Variants in C12orf56 observed in about 807,000 individuals in gnomAD.
C12orf56 encodes chromosome 12 open reading frame 56, also known as uncharacterized protein C12orf56.
A neutral mutation model predicts 69.9 loss-of-function variants in C12orf56; 71 were observed. The observed-to-expected ratio is 1.02, with a 90% CI of 0.84 to 1.24. The LOEUF is 1.24. Ranked by LOEUF, C12orf56 falls within the 50% of genes most tolerant of loss-of-function variation. The pLI, the probability that C12orf56 is intolerant of heterozygous loss-of-function variation, is 0.00. For synonymous variants in C12orf56, 276 were observed against 274.1 expected (o/e 1.01, Z -0.07); for missense variants, 732 against 738.5 (o/e 0.99, Z 0.10).
At chr12:64,367,976 T>A (rs1330527647) in intron 1 of C12orf56, among the ~76,000 whole-genome samples, 1 of 150,978 alleles carries the variant, frequency 6.6e-6, no homozygotes, top group East Asian at 1.9e-4. Context: ...CCCAGCTAAT[T>A]TTTGTATTTT....
At chr12:64,341,727 C>T (rs1175949036) in intron 2 of C12orf56, among the ~76,000 whole-genome samples, 3 of 152,160 alleles carry the variant, frequency 2.0e-5, no homozygotes, top group African/African-American at 7.2e-5. Flanking sequence ...AACCTCTGCC[C>T]TTTCCATGAT....
At chr12:64,388,534 T>C (rs2039824064) in intron 1 of C12orf56, among the ~76,000 whole-genome samples, 1 of 152,158 alleles carries the variant, frequency 6.6e-6, no homozygotes, top group Non-Finnish European at 1.5e-5. Context: ...TGAGCCACCT[T>C]ACCCAGTCTA....
intron 5 of C12orf56, among the ~76,000 whole-genome samples, chr12:64,308,959 G>GAAAGAAAGAAA (rs2038567814): frequency 9.1e-6 from 1 of 109,938 alleles, no homozygotes; most frequent in Admixed American, 1.0e-4. Context: ...AAGAAAGAAA[G>GAAAGAAAGAAA]AAAGAAAGAA....
chr12:64,350,089 C>T (rs1419383885), intron 2 of C12orf56, among the ~76,000 whole-genome samples: 2 of 114,150 alleles, frequency 1.8e-5, no homozygotes, highest in Non-Finnish European at 1.8e-5. Flanking sequence ...AAGACTCAGT[C>T]TCAGAAAAAA....
In C12orf56 at chr12:64,349,492, C is replaced by T. The variant is rs564778575; in HGVS notation, c.415+3402G>A. Among the ~76,000 whole-genome samples the T allele has an allele frequency of 3.3e-5, 5 of 152,302 alleles. No individual in the cohort carries two copies. In the South Asian group the frequency reaches 1.0e-3, roughly 32 times the overall value. ...CTAGAAATAGAACTACCATTAGATC[C>T]AGCAATCCCACTGCTGGACATCTAC... On this transcript the variant is annotated intron_variant, in intron 2 of 12. Transcript: ENST00000543942.
chr12:64,337,555 C>T (rs1397509651), intron 2 of C12orf56, among the ~76,000 whole-genome samples: 5 of 152,170 alleles, frequency 3.3e-5, no homozygotes, highest in African/African-American at 1.2e-4. Flanking sequence ...CTACACCTAT[C>T]TACCTTAAAA....
chr12:64,312,870 T>C (rs1387411449), intron 4 of C12orf56, 118 bp from the exon 5 acceptor site: 4 of 677,062 alleles, frequency 5.9e-6, no homozygotes. Flanking sequence ...CACGATTTGT[T>C]TATAAAACTC....
chr12:64,363,516 C>T (rs2039424824), intron 1 of C12orf56, among the ~76,000 whole-genome samples: 1 of 152,088 alleles, frequency 6.6e-6, no homozygotes, highest in Admixed American at 6.6e-5. Context: ...TTGGGGCACA[C>T]GCTAGGGGCC....
At chr12:64,320,132 G>C (rs1898221) in intron 3 of C12orf56, among the ~76,000 whole-genome samples, 150,147 of 152,350 alleles carry the variant, frequency 0.99, 74,024 homozygotes, top group Middle Eastern at 1. Flanking sequence ...TCGTCCTAAT[G>C]GAGCTGAACA....
chr12:64,340,589 T>C (rs1047262348), intron 2 of C12orf56, among the ~76,000 whole-genome samples: 2 of 152,192 alleles, frequency 1.3e-5, no homozygotes, highest in African/African-American at 2.4e-5. Flanking sequence ...AATATTTAAA[T>C]GCTGATGTAA....
chr12:64,325,394 A>C (rs2038825948), intron 3 of C12orf56, among the ~76,000 whole-genome samples: 1 of 152,078 alleles, frequency 6.6e-6, no homozygotes, highest in African/African-American at 2.4e-5. Context: ...GAAGAAGAAA[A>C]GAAGCAGCAG....
chr12:64,342,517 A>C (rs2039087662), intron 2 of C12orf56, among the ~76,000 whole-genome samples: 1 of 152,226 alleles, frequency 6.6e-6, no homozygotes, highest in Admixed American at 6.5e-5. Flanking sequence ...GAGAGAAGGC[A>C]GGGTGGCAGA....
intron 3 of C12orf56, 94 bp downstream of exon 3, chr12:64,330,866 C>A (rs757303582): frequency 7.9e-6 from 8 of 1,007,386 alleles, no homozygotes; most frequent in African/African-American, 6.6e-5. Context: ...CAGTCCAAAG[C>A]CATTAGTAGA....
chr12:64,330,854 C>A, intron 3 of C12orf56, 106 bp downstream of exon 3: 1 of 859,146 alleles, frequency 1.2e-6, no homozygotes, highest in Non-Finnish European at 1.8e-6. Context: ...ATTAATAGAA[C>A]TCAGTCCAAA....
chr12:64,282,293 A>T (rs1188021679), intron 8 of C12orf56, among the ~76,000 whole-genome samples: 3 of 152,250 alleles, frequency 2.0e-5, no homozygotes, highest in Non-Finnish European at 4.4e-5. Flanking sequence ...AATCCAGCCT[A>T]CAGCCTGTTT....
chr12:64,359,109 T>A (rs555252086), intron 1 of C12orf56, among the ~76,000 whole-genome samples: 2 of 152,330 alleles, frequency 1.3e-5, no homozygotes, highest in Admixed American at 1.3e-4. Flanking sequence ...AACCTTCTTT[T>A]GATGCAGGTC....
intron 6 of C12orf56, chr12:64,293,303 A>T (rs2038319836): frequency 6.6e-6 from 1 of 152,120 alleles, no homozygotes; most frequent in South Asian, 2.1e-4. Flanking sequence ...TGCAGAAATC[A>T]CCCGTCTTCT....
intron 5 of C12orf56, 143 bp from the exon 6 acceptor site, chr12:64,303,922 A>C: frequency 2.0e-6 from 2 of 975,706 alleles, no homozygotes; most frequent in Non-Finnish European, 2.9e-6. Flanking sequence ...CTTAATACTC[A>C]CCAGTAGTGA....
At chr12:64,353,257 G>A (rs987438714) in intron 1 of C12orf56, among the ~76,000 whole-genome samples, 5 of 151,252 alleles carry the variant, frequency 3.3e-5, no homozygotes, top group African/African-American at 7.3e-5. Context: ...TCCTGGGTTC[G>A]AGTGATTCTC....
Sources: gnomAD v4.1 joint callset for allele counts (sites outside exome capture counted in the v4.1 genomes callset) on GRCh38, gnomAD v4.1.1 for gene constraint, MANE v1.5 for transcripts, NCBI Gene and HGNC (gene_info 2026-07-23, HGNC 2026-07-21) for gene names.